ITGA3: variants seen among roughly 807,000 people sequenced by gnomAD.
ITGA3 encodes the protein integrin subunit alpha 3.
ITGA3 carries 70 observed loss-of-function variants against 131.1 expected under a neutral mutation model. That is an observed-to-expected ratio of 0.53 (90% CI 0.44 to 0.65). The LOEUF is 0.65. ITGA3 is among the 30% of genes least tolerant of loss of function. ITGA3 has a pLI of 0.00. For missense variants in ITGA3, 1,098 were observed against 1,388.6 expected (o/e 0.79, Z 3.33); for synonymous variants, 537 against 571.6 (o/e 0.94, Z 0.86).
chr17:50,073,451 G>C (rs1344826051), intron 7 of ITGA3, among the ~76,000 whole-genome samples: 1 of 152,060 alleles, frequency 6.6e-6, no homozygotes, highest in Admixed American at 6.6e-5. Flanking sequence ...ATGAATAGCT[G>C]GGTGTGTTGG....
Position 50,075,498 on chromosome 17 carries a change from C to G in ITGA3, c.1509C>G (p.Ala503=), listed in dbSNP as rs192121420. The change falls in exon 11 of 26, where the codon GCC becomes GCG. Residue 503 remains alanine, a synonymous_variant. Transcript: ENST00000320031. Reference sequence around the variant, plus strand: ...TGTGCTTTGCTTACAACCAGAGTGCCGGGAACCCCAACTACAGGCGAAACA... The same window carrying G: ...TGTGCTTTGCTTACAACCAGAGTGCGGGGAACCCCAACTACAGGCGAAACA... The part of the protein sequence containing the change: ...VELCFAYNQS[A]GNPNYRRNIT... 2.5e-6 allele frequency: 4 copies of G among 1,614,080 alleles called. No individual in the cohort carries two copies. Among genetic ancestry groups the G allele is most frequent in the African/African-American group, 2.7e-5 (2 of 74,928 alleles).
intron 16 of ITGA3, among the ~76,000 whole-genome samples, 181 bp downstream of exon 16, chr17:50,077,628 C>T (rs1229771923): frequency 6.6e-6 from 1 of 152,186 alleles, no homozygotes; most frequent in Non-Finnish European, 1.5e-5. Flanking sequence ...ACAAATGGGG[C>T]TGCTAGGGAG....
chr17:50,068,083 C>T lies in ITGA3; in HGVS notation c.442C>T (p.Leu148=), dbSNP rs946000001. 1 of 1,614,116 alleles carries T rather than the reference C, an allele frequency of 6.2e-7. No individual in the cohort carries two copies. The highest frequency in any genetic ancestry group is 8.5e-7 in the Non-Finnish European group (1 of 1,180,054). Residue 148 remains leucine, a synonymous_variant, in exon 4 of 26, where the codon CTG becomes TTG. Transcript: ENST00000320031. ...LVCAHRYTQV[L]WSGSEDQRRM... is the part of the protein sequence containing the mutation. ...CTGTGCCCACCGCTACACCCAGGTG[C>T]TGTGGTCAGGGTCAGAAGACCAGCG...
intron 3 of ITGA3, among the ~76,000 whole-genome samples, chr17:50,067,560 G>A (rs1470399897): frequency 2.0e-5 from 3 of 152,222 alleles, no homozygotes; most frequent in Admixed American, 2.0e-4. Flanking sequence ...AGGGTCACTA[G>A]CAGGCTTAAC....
intron 6 of ITGA3, 143 bp from the exon 7 acceptor site, chr17:50,071,843 C>G: frequency 1.4e-6 from 1 of 711,248 alleles, no homozygotes; most frequent in Non-Finnish European, 2.3e-6. Context: ...TTCCCATGCA[C>G]ATGTCCTTCC....
chr17:50,088,314 G>C lies in ITGA3; in HGVS notation c.3135G>C (p.Glu1045Asp), dbSNP rs1288087213. The C allele has an allele frequency of 3.2e-6, 5 of 1,582,530 alleles. No individual in the cohort carries two copies. The highest frequency in any genetic ancestry group is 4.3e-6 in the Non-Finnish European group (5 of 1,164,574). ...TGAAGAGCCAGCCGTCAGAGACAGAGAGGCTGACCGACGACTACTGAGGGG... is the reference window on the plus strand; with the variant it reads ...TGAAGAGCCAGCCGTCAGAGACAGACAGGCTGACCGACGACTACTGAGGGG... ...AEMKSQPSET[E>D]RLTDDY Residue 1045 changes from glutamate (E) to aspartate (D), a missense_variant, in exon 25 of 26, where the codon GAG becomes GAC. Around this residue, in one of 3 missense-constraint regions of ITGA3, gnomAD observed 699 missense variants for 829.2 expected, o/e 0.84. Transcript: ENST00000320031.
At chr17:50,068,482 G>A (rs1005454669) in intron 4 of ITGA3, among the ~76,000 whole-genome samples, 177 bp downstream of exon 4, 1 of 152,106 alleles carries the variant, frequency 6.6e-6, no homozygotes, top group African/African-American at 2.4e-5. Context: ...GGGGCCTTAC[G>A]CATATTATGT....
Position 50,056,188 on chromosome 17 carries a change from C to T in ITGA3, c.-252C>T. 1 of 412,896 alleles carries T rather than the reference C, an allele frequency of 2.4e-6. No homozygotes were observed. The highest frequency in any genetic ancestry group is 6.5e-5 in the South Asian group (1 of 15,406). The allele number at this position is 412,896 out of a possible 1,614,324, so 25.6% of individuals were successfully genotyped here. Reference sequence around the variant, plus strand: ...CCGGGACAAGCTGGGGGCCGGTTGCCCGGGGCAGGGACGGCGGCGACCCGG... The same window carrying T: ...CCGGGACAAGCTGGGGGCCGGTTGCTCGGGGCAGGGACGGCGGCGACCCGG... On this transcript the variant is annotated 5_prime_UTR_variant, in exon 1 of 26. Transcript: ENST00000320031. This position sits in a 1 kb window ranked among gnomAD's most constrained non-coding sequence, Gnocchi z 5.6.
chr17:50,061,838 G>C (rs1014755294), intron 1 of ITGA3, among the ~76,000 whole-genome samples: 1 of 152,222 alleles, frequency 6.6e-6, no homozygotes, highest in African/African-American at 2.4e-5. Flanking sequence ...TCAGGAGTTC[G>C]ACATCAGCCT....
In ITGA3 at chr17:50,090,107, G is replaced by A; in HGVS notation, c.*1029G>A. Reference sequence around the variant, plus strand: ...CACCACTACCAGCCAGCCTCAGAAGGCCCCAGAGAGACCCTGCAAGACCAC... The same window carrying A: ...CACCACTACCAGCCAGCCTCAGAAGACCCCAGAGAGACCCTGCAAGACCAC... On this transcript the variant is annotated 3_prime_UTR_variant, in exon 26 of 26. Transcript: ENST00000320031. The A allele has an allele frequency of 1.0e-5, 4 of 382,740 alleles. No homozygotes were observed. Among genetic ancestry groups the A allele is most frequent in the Non-Finnish European group, 2.2e-5 (4 of 185,274 alleles). The allele number at this position is 382,740 out of a possible 1,614,324, so 23.7% of individuals were successfully genotyped here. A position where few individuals can be genotyped will look rare whatever the true frequency, so the allele number is the denominator to read the frequency against.
At position 50,064,323 on chromosome 17, in the gene ITGA3, C is replaced by G. The variant is rs1337823050; in HGVS notation, c.334+119C>G. ...CACACGGCTTCTAGTCGCTTCTTGT[C>G]CAGCTGGGAAGAGGGTGCCCTAGAG... is the stretch of plus-strand genomic sequence containing the variant. On this transcript the variant is annotated intron_variant, in intron 2 of 25. Transcript: ENST00000320031. The surrounding 1 kb of genome is among the most constrained non-coding windows in gnomAD (Gnocchi z 4.4). 29 of 1,369,672 alleles carry G rather than the reference C, an allele frequency of 2.1e-5. No homozygotes were observed. Among genetic ancestry groups the G allele is most frequent in the Non-Finnish European group, 2.7e-5 (27 of 1,003,778 alleles). The allele number at this position is 1,369,672 out of a possible 1,614,324, so 84.8% of individuals were successfully genotyped here.
At chr17:50,059,938 C>G (rs1052818729) in intron 1 of ITGA3, among the ~76,000 whole-genome samples, 1 of 152,082 alleles carries the variant, frequency 6.6e-6, no homozygotes, top group Non-Finnish European at 1.5e-5. Context: ...GCTTGTTGCT[C>G]TGGTTCTAGG....
In ITGA3 at chr17:50,056,836, G is replaced by C. The variant is rs1303998431; in HGVS notation, c.206+191G>C. Among the ~76,000 whole-genome samples the C allele has an allele frequency of 2.0e-5, 3 of 152,160 alleles. No individual in the cohort carries two copies. The highest frequency in any genetic ancestry group is 4.8e-5 in the African/African-American group (2 of 41,424). On this transcript the variant is annotated intron_variant, in intron 1 of 25. Transcript: ENST00000320031. The surrounding 1 kb of genome is among the most constrained non-coding windows in gnomAD (Gnocchi z 5.6). ...GGTCGGGCAGTAATCATTGGCAAGTGCTGACGGGGCCAGAACCTGTCTGGA... is the reference window on the plus strand; with the variant it reads ...GGTCGGGCAGTAATCATTGGCAAGTCCTGACGGGGCCAGAACCTGTCTGGA...
intron 22 of ITGA3, 109 bp downstream of exon 22, chr17:50,080,484 GT>G: frequency 1.7e-6 from 1 of 597,866 alleles, no homozygotes; most frequent in Non-Finnish European, 3.0e-6. Flanking sequence ...GTGTGTGTGT[GT>G]GTGTGTGTGT....
At chr17:50,076,897 C>A (rs1908933422) in intron 14 of ITGA3, 77 bp from the exon 15 acceptor site, 2 of 1,517,004 alleles carry the variant, frequency 1.3e-6, no homozygotes, top group Non-Finnish European at 1.8e-6. Flanking sequence ...CTAGGAGACC[C>A]CAGGGGCGGG....
chr17:50,060,234 G>A (rs1409635948), intron 1 of ITGA3, among the ~76,000 whole-genome samples: 1 of 152,170 alleles, frequency 6.6e-6, no homozygotes, highest in Non-Finnish European at 1.5e-5. Context: ...TGCCATGTTG[G>A]CCTGAGTGCT....
chr17:50,065,228 C>G (rs981748979), intron 3 of ITGA3: 2 of 152,204 alleles, frequency 1.3e-5, no homozygotes, highest in African/African-American at 4.8e-5. Flanking sequence ...GCTTGCCTTG[C>G]TCCTGGTGCT....
At chr17:50,075,079 G>A (rs1037353352) in intron 10 of ITGA3, among the ~76,000 whole-genome samples, 6 of 152,212 alleles carry the variant, frequency 3.9e-5, no homozygotes, top group South Asian at 2.1e-4. Context: ...AAGTGAATGA[G>A]GATTTTGGAT....
In ITGA3 at chr17:50,072,058, C is replaced by CT; in HGVS notation, c.1034dup (p.Met346HisfsTer33). The CT allele has an allele frequency of 6.2e-7, 1 of 1,614,102 alleles. No individual in the cohort carries two copies. Among genetic ancestry groups the CT allele is most frequent in the African/African-American group, 1.3e-5 (1 of 75,028 alleles). On this transcript the variant is annotated frameshift_variant, in exon 7 of 26. Transcript: ENST00000320031. LOFTEE classifies it high-confidence loss of function. ...AGGAAGTAGGGGGTGCCATCTATGTCTTCATGAACCAGGCGGGAACCTCCT... is the reference window on the plus strand; with the variant it reads ...AGGAAGTAGGGGGTGCCATCTATGTCTTTCATGAACCAGGCGGGAACCTCCT...
Sources: allele counts gnomAD v4.1 joint callset (sites outside exome capture counted in the v4.1 genomes callset), GRCh38; gene constraint gnomAD v4.1.1; regional missense constraint gnomAD v4.1.1; non-coding constraint Gnocchi (gnomAD v3.1); transcripts MANE v1.5; gene names NCBI Gene and HGNC (gene_info 2026-07-23, HGNC 2026-07-21).